The following SMG7 variants were observed in gnomAD, a reference collection of about 807,000 sequenced individuals.
SMG7 encodes SMG7 nonsense mediated mRNA decay factor, also known as nonsense-mediated mRNA decay factor SMG7.
Under a neutral mutation model 148.2 loss-of-function variants are expected in SMG7, and 34 were observed. The ratio of observed to expected loss-of-function variants is 0.23; its 90% CI spans 0.17 to 0.31. SMG7 has a LOEUF of 0.31. Among genes scored for constraint, SMG7 ranks in the 10% least tolerant of loss-of-function variants. The pLI, the probability that SMG7 is intolerant of heterozygous loss-of-function variation, is 1.00. For missense variants in SMG7, 1,114 were observed against 1,408.4 expected (o/e 0.79, Z 3.35); for synonymous variants, 492 against 515.1 (o/e 0.96, Z 0.61).
chr1:183,528,276 C>G, intron 6 of SMG7, among the ~76,000 whole-genome samples: 1 of 151,836 alleles, frequency 6.6e-6, no homozygotes, highest in Non-Finnish European at 1.5e-5. Context: ...GATAGAATCT[C>G]TTAATGTAAT....
intron 1 of SMG7, among the ~76,000 whole-genome samples, chr1:183,480,584 T>TTGGGCCATGCTATATCCC (rs1173042965): frequency 6.6e-6 from 1 of 152,130 alleles, no homozygotes; most frequent in African/African-American, 2.4e-5. Flanking sequence ...AACATTCAGT[T>TTGGGCCATGCTATATCCC]TGGGCCATGC....
chr1:183,490,710 T>G (rs957262251), intron 1 of SMG7, among the ~76,000 whole-genome samples: 2 of 152,158 alleles, frequency 1.3e-5, no homozygotes, highest in Non-Finnish European at 2.9e-5. Flanking sequence ...AATGTATAGT[T>G]AAGAATTTTG....
chr1:183,544,664 A>G (rs1212960097), intron 15 of SMG7, among the ~76,000 whole-genome samples, 167 bp downstream of exon 15: 1 of 152,212 alleles, frequency 6.6e-6, no homozygotes, highest in East Asian at 1.9e-4. Context: ...TGTAGTGTAC[A>G]TACAAGTGCA....
At position 183,553,041 on chromosome 1, in the gene SMG7, G is replaced by A. The variant is rs978133267; in HGVS notation, c.*1110G>A. ...CAGTCTGAAGAGGAAGGAAGCAGCA[G>A]TATCTGCGTAGCCCACAGAGGGCCC... is the stretch of plus-strand genomic sequence containing the variant. On this transcript the variant is annotated 3_prime_UTR_variant, in exon 23 of 23. Transcript: ENST00000688051. 1 of 1,536,140 alleles carries A rather than the reference G, an allele frequency of 6.5e-7. No homozygotes were observed. Among genetic ancestry groups the A allele is most frequent in the African/African-American group, 1.4e-5 (1 of 73,062 alleles).
rs777650551 is a variant in SMG7 at position 183,542,491 on chromosome 1, G to A, written c.1831G>A (p.Val611Met). The change falls in exon 14 of 23, where the codon GTG (valine) becomes ATG (methionine). Residue 611 changes from valine to methionine, a missense_variant. By Grantham distance (21) the Val-to-Met change is conservative. This residue lies in a region of SMG7 where 788 missense variants were observed against 894.5 expected (regional missense o/e 0.88). Transcript: ENST00000688051. ...GTTACAGGAAACAGGAAAGCAGAAT[G>A]TGGCAGTGCAGGTAAGCTGTATTTG... is the stretch of plus-strand genomic sequence containing the variant. ...EKLQETGKQN[V>M]AVQVKSQTEL... 6.2e-7 allele frequency: 1 copy of A among 1,612,968 alleles called. No homozygotes were observed.
intron 4 of SMG7, 104 bp from the exon 5 acceptor site, chr1:183,526,492 A>G (rs1665896036): frequency 1.4e-6 from 1 of 691,276 alleles, no homozygotes; most frequent in East Asian, 2.8e-5. Flanking sequence ...GTTTTTGTTC[A>G]GATTTCAGCA....
intron 18 of SMG7, 30 bp downstream of exon 18, chr1:183,547,282 G>A (rs1362329596): frequency 1.0e-5 from 16 of 1,540,142 alleles, no homozygotes; most frequent in Non-Finnish European, 1.4e-5. Flanking sequence ...CTGCTTCTTG[G>A]TCTAACCCCC....
At chr1:183,475,240 A>T (rs1651863039) in intron 1 of SMG7, among the ~76,000 whole-genome samples, 1 of 152,198 alleles carries the variant, frequency 6.6e-6, no homozygotes, top group Non-Finnish European at 1.5e-5. Context: ...TGAACATGGG[A>T]GGATATATTA....
At chr1:183,517,304 G>C (rs1374205504) in intron 3 of SMG7, among the ~76,000 whole-genome samples, 1 of 152,160 alleles carries the variant, frequency 6.6e-6, no homozygotes, top group Non-Finnish European at 1.5e-5. Flanking sequence ...CATGTCACTT[G>C]TTAGGGTATA....
chr1:183,528,670 C>T (rs919685919), intron 6 of SMG7, among the ~76,000 whole-genome samples: 7 of 152,138 alleles, frequency 4.6e-5, no homozygotes, highest in Non-Finnish European at 1.0e-4. Context: ...CTTGCTGAAG[C>T]CGCTCTCTAC....
At chr1:183,477,772 GTGTGTATGTGTGTATGTATACATATA>G (rs1652991364) in intron 1 of SMG7, among the ~76,000 whole-genome samples, 1 of 151,658 alleles carries the variant, frequency 6.6e-6, no homozygotes, top group African/African-American at 2.4e-5. Context: ...ATATATACAT[GTGTGTATGTGTGTATGTATACATATA>G]TGTATATGTG....
rs1360288322 is a variant in SMG7 at position 183,477,549 on chromosome 1, T to TAC, written c.29+4901_29+4902dup. On this transcript the variant is annotated intron_variant, in intron 1 of 22. Coordinates refer to ENST00000688051, the MANE Select transcript of SMG7 (RefSeq NM_001375584.1). ...GTGCATATGTGTATATATGCATATA[T>TAC]ACGTGTGTGCATATGTGTATATATG... Among the ~76,000 whole-genome samples the TAC allele has an allele frequency of 2.7e-5, 4 of 147,824 alleles. No homozygotes were observed. In the Admixed American group the frequency reaches 2.7e-4, roughly 10 times the overall value.
In SMG7 at chr1:183,517,724, G is replaced by A. The variant is rs789169; in HGVS notation, c.216G>A (p.Leu72=). ...NHAFKNQITT[L]QGQAKNRANP... is the part of the protein sequence containing the mutation. Reference sequence around the variant, plus strand: ...CCTTTAAGAATCAGATCACAACACTGCAAGGCCAGGCAAAGAATCGAGCAA... The same window carrying A: ...CCTTTAAGAATCAGATCACAACACTACAAGGCCAGGCAAAGAATCGAGCAA... The change falls in exon 4 of 23, where the codon CTG becomes CTA. Residue 72 remains leucine (L), a synonymous_variant. Coordinates refer to ENST00000688051, the MANE Select transcript of SMG7 (RefSeq NM_001375584.1). The A allele has an allele frequency of 0.89, 1,438,273 of 1,613,728 alleles. 642,044 individuals are homozygous for A. The highest frequency in any genetic ancestry group is 1 in the East Asian group (44,848 of 44,878).
At chr1:183,534,470 A>G (rs1667392079) in intron 10 of SMG7, among the ~76,000 whole-genome samples, 1 of 152,206 alleles carries the variant, frequency 6.6e-6, no homozygotes, top group South Asian at 2.1e-4. Flanking sequence ...TTTTGATGGT[A>G]TATTTAAGGA....
intron 1 of SMG7, among the ~76,000 whole-genome samples, chr1:183,492,072 G>A (rs1657185011): frequency 6.6e-6 from 1 of 152,214 alleles, no homozygotes. Context: ...TGGGGATTAA[G>A]ATTTAACATG....
intron 1 of SMG7, among the ~76,000 whole-genome samples, chr1:183,503,889 G>A (rs969901956): frequency 6.6e-6 from 1 of 152,180 alleles, no homozygotes; most frequent in Non-Finnish European, 1.5e-5. Context: ...TTGTAGGAAA[G>A]CCCAAATTCA....
intron 2 of SMG7, among the ~76,000 whole-genome samples, chr1:183,515,319 C>T (rs910522927): frequency 3.9e-5 from 6 of 152,130 alleles, no homozygotes; most frequent in African/African-American, 1.4e-4. Flanking sequence ...ATGGCTTATT[C>T]GGTCAATATA....
intron 4 of SMG7, among the ~76,000 whole-genome samples, chr1:183,519,774 C>A (rs1214285338): frequency 9.2e-5 from 14 of 152,046 alleles, no homozygotes; most frequent in Non-Finnish European, 1.9e-4. Flanking sequence ...GTTTTATAAA[C>A]ATAATGTAAG....
At chr1:183,476,767 A>C (rs1348675770) in intron 1 of SMG7, among the ~76,000 whole-genome samples, 3 of 152,228 alleles carry the variant, frequency 2.0e-5, no homozygotes, top group African/African-American at 4.8e-5. Flanking sequence ...TATAAAAATA[A>C]AAATATGATC....
Sources: allele counts gnomAD v4.1 joint callset (sites outside exome capture counted in the v4.1 genomes callset), GRCh38; gene constraint gnomAD v4.1.1; regional missense constraint gnomAD v4.1.1; transcripts MANE v1.5; gene names NCBI Gene and HGNC (gene_info 2026-07-23, HGNC 2026-07-21).